Variants in TRIO observed in about 807,000 individuals in gnomAD.
TRIO encodes the protein triple functional domain protein.
In TRIO, 58 loss-of-function variants were observed where a neutral mutation model predicts 351.9. That is an observed-to-expected ratio of 0.16 (90% CI 0.13 to 0.21). The LOEUF is 0.21. Ranked by LOEUF, TRIO falls within the 10% of genes least tolerant of loss-of-function variation. The pLI is 1.00. For synonymous variants in TRIO, 1,758 were observed against 1,595.7 expected, an observed-to-expected ratio of 1.10 and a Z score of -2.42; for missense variants, 3,201 against 4,027.8, an observed-to-expected ratio of 0.79 and a Z score of 5.56.
intron 34 of TRIO, among the ~76,000 whole-genome samples, chr5:14,434,343 C>T (rs1372172603): frequency 6.6e-6 from 1 of 151,878 alleles, no homozygotes; most frequent in East Asian, 1.9e-4. Flanking sequence ...AATCATAAAC[C>T]CCTTTATTTA....
intron 11 of TRIO, among the ~76,000 whole-genome samples, chr5:14,356,743 G>A (rs1484843876): frequency 6.6e-6 from 1 of 152,198 alleles, no homozygotes; most frequent in African/African-American, 2.4e-5. Flanking sequence ...CAGATGAAGG[G>A]ATCAATTGTG....
intron 2 of TRIO, among the ~76,000 whole-genome samples, chr5:14,275,631 A>G (rs1300776938): frequency 6.7e-6 from 1 of 150,330 alleles, no homozygotes; most frequent in Non-Finnish European, 1.5e-5. Context: ...GAGCAATTCT[A>G]TTGATTTTCC....
chr5:14,273,805 C>G (rs1312638136), intron 2 of TRIO, among the ~76,000 whole-genome samples: 1 of 152,120 alleles, frequency 6.6e-6, no homozygotes, highest in Non-Finnish European at 1.5e-5. Flanking sequence ...AGGGTTTGAG[C>G]CTTAGAAAAT....
chr5:14,388,580 G>T, intron 23 of TRIO, 33 bp from the exon 24 acceptor site: 1 of 1,595,402 alleles, frequency 6.3e-7, no homozygotes, highest in South Asian at 1.1e-5. Context: ...GCTGCACCCT[G>T]ACTGTACTCC....
At chr5:14,502,942 C>T (rs1436707303) in intron 54 of TRIO, among the ~76,000 whole-genome samples, 3 of 152,204 alleles carry the variant, frequency 2.0e-5, no homozygotes, top group South Asian at 2.1e-4. Context: ...AGCTCTGTGC[C>T]GTCCTTGGGA....
In TRIO at chr5:14,172,621, T is replaced by A. The variant is rs1333517489; in HGVS notation, c.157+28739T>A. Among the ~76,000 whole-genome samples the A allele has an allele frequency of 3.3e-5, 5 of 151,612 alleles. No individual in the cohort carries two copies. In the East Asian group the frequency reaches 9.7e-4, roughly 30 times the overall value. On this transcript the variant is annotated intron_variant, in intron 1 of 56. Coordinates refer to ENST00000344204, the MANE Select transcript of TRIO (RefSeq NM_007118.4). ...CAGGGGGGATGATATCAAACCGGAG[T>A]GTTGTGGCTATGCAGTGAAGTGCGG...
At chr5:14,496,386 G>T (rs577734757) in intron 49 of TRIO, among the ~76,000 whole-genome samples, 6 of 152,188 alleles carry the variant, frequency 3.9e-5, no homozygotes, top group African/African-American at 1.4e-4. Context: ...TTCAGACCCC[G>T]GAGAGCACGT....
intron 6 of TRIO, among the ~76,000 whole-genome samples, chr5:14,295,546 A>G (rs920714940): frequency 1.1e-4 from 17 of 152,254 alleles, no homozygotes; most frequent in Non-Finnish European, 1.9e-4. Context: ...GAGCCACCCA[A>G]GGAGACATCT....
intron 1 of TRIO, among the ~76,000 whole-genome samples, chr5:14,218,178 C>T (rs560458945): frequency 6.6e-6 from 1 of 152,320 alleles, no homozygotes; most frequent in Non-Finnish European, 1.5e-5. Flanking sequence ...ACTTTGTCAT[C>T]TGTGTCAGTA....
chr5:14,177,469 C>T (rs1789477926), intron 1 of TRIO, among the ~76,000 whole-genome samples: 1 of 152,144 alleles, frequency 6.6e-6, no homozygotes, highest in Non-Finnish European at 1.5e-5. Context: ...TTGTACCATC[C>T]TTGCTGGAGC....
intron 34 of TRIO, among the ~76,000 whole-genome samples, chr5:14,430,201 T>C (rs1750978644): frequency 7.1e-6 from 1 of 139,878 alleles, no homozygotes; most frequent in Non-Finnish European, 1.5e-5. Context: ...TTTTTTAATT[T>C]TTTTACCCAA....
At position 14,289,331 on chromosome 5, in the gene TRIO, G is replaced by A. The variant is rs114979900; in HGVS notation, c.541-1385G>A. Among the ~76,000 whole-genome samples, 815 of 152,108 alleles carry A rather than the reference G, an allele frequency of 5.4e-3. 8 individuals carry two copies. The highest frequency in any genetic ancestry group is 0.018 in the African/African-American group (765 of 41,474). On this transcript the variant is annotated intron_variant, in intron 4 of 56. Coordinates refer to ENST00000344204, the MANE Select transcript of TRIO (RefSeq NM_007118.4). ...AATCGGAAGGTGTAGGTTGCAGTGAGCTGAGGTTGCACCACTGCACTGCAG... is the reference window on the plus strand; with the variant it reads ...AATCGGAAGGTGTAGGTTGCAGTGAACTGAGGTTGCACCACTGCACTGCAG...
intron 1 of TRIO, among the ~76,000 whole-genome samples, chr5:14,148,461 A>G (rs1241118121): frequency 6.6e-6 from 1 of 152,190 alleles, no homozygotes; most frequent in African/African-American, 2.4e-5. Flanking sequence ...GAAAAGTCTA[A>G]TTCTTAATCA....
At chr5:14,329,099 ATATC>A (rs1200818343) in intron 9 of TRIO, among the ~76,000 whole-genome samples, 4 of 152,108 alleles carry the variant, frequency 2.6e-5, no homozygotes, top group Non-Finnish European at 4.4e-5. Flanking sequence ...TTTTCCCCCT[ATATC>A]TATGAACATG....
chr5:14,332,044 T>C (rs369187891), intron 10 of TRIO, among the ~76,000 whole-genome samples: 2 of 152,230 alleles, frequency 1.3e-5, no homozygotes, highest in East Asian at 1.9e-4. Context: ...CCCAGAAAAC[T>C]CAGGTTCAAG....
chr5:14,456,594 C>G (rs1753330518), intron 34 of TRIO, among the ~76,000 whole-genome samples: 2 of 152,138 alleles, frequency 1.3e-5, no homozygotes, highest in Admixed American at 1.3e-4. Context: ...GGCAGGGGGT[C>G]TCATGCTCCT....
At chr5:14,500,116 G>GT (rs1757175293) in intron 53 of TRIO, among the ~76,000 whole-genome samples, 1 of 151,592 alleles carries the variant, frequency 6.6e-6, no homozygotes, top group Non-Finnish European at 1.5e-5. Context: ...ATCCAAGTGT[G>GT]TAGTTACTTC....
intron 1 of TRIO, among the ~76,000 whole-genome samples, chr5:14,220,365 A>G (rs164858): frequency 0.81 from 123,523 of 152,064 alleles, 50,680 homozygotes; most frequent in East Asian, 0.99. Flanking sequence ...CCCTCTCCTC[A>G]GGCCTCCTAT....
At chr5:14,502,760 T>C (rs1757387803) in intron 54 of TRIO, 103 bp downstream of exon 54, 2 of 1,106,422 alleles carry the variant, frequency 1.8e-6, no homozygotes, top group Admixed American at 1.8e-5. Flanking sequence ...TGCCAGCAAT[T>C]GGAAGCTGTG....
Sources: gnomAD v4.1 joint callset for allele counts (sites outside exome capture counted in the v4.1 genomes callset) on GRCh38, gnomAD v4.1.1 for gene constraint, MANE v1.5 for transcripts, NCBI Gene and HGNC (gene_info 2026-07-23, HGNC 2026-07-21) for gene names.